The following CAMLG variants were observed in gnomAD, a reference collection of about 807,000 sequenced individuals.
CAMLG encodes the protein calcium modulating ligand.
In CAMLG, 23 loss-of-function variants were observed where a neutral mutation model predicts 28.9. The observed-to-expected ratio is 0.80, with a 90% CI of 0.57 to 1.13. CAMLG has a LOEUF of 1.13. CAMLG is among the 50% of genes most tolerant of loss of function. The pLI, the probability that CAMLG is intolerant of heterozygous loss-of-function variation, is 0.00. For synonymous variants in CAMLG, 141 were observed against 146.5 expected (o/e 0.96, Z 0.27); for missense variants, 367 against 371.9 (o/e 0.99, Z 0.11).
chr5:134,741,283 C>T lies in CAMLG; in HGVS notation c.393C>T (p.Leu131=), dbSNP rs775159638. 6.8e-6 allele frequency: 11 copies of T among 1,614,158 alleles called. No homozygotes were observed. Among genetic ancestry groups the T allele is most frequent in the Non-Finnish European group, 9.3e-6 (11 of 1,180,030 alleles). Residue 131 remains leucine, a synonymous_variant, in exon 2 of 4, where the codon CTC becomes CTT. Transcript: ENST00000297156. The stretch of plus-strand genomic sequence containing the variant: ...GCAGTAGTGATGTCAACCTTGAGCT[C>T]CGGCAGCGGAACAGAGGGGACCTGA... ...PECSSDVNLE[L]RQRNRGDLTA...
At chr5:134,745,336 T>C (rs1253223762) in intron 3 of CAMLG, among the ~76,000 whole-genome samples, 2 of 149,454 alleles carry the variant, frequency 1.3e-5, no homozygotes, top group African/African-American at 5.0e-5. Flanking sequence ...CTCGGGAGGC[T>C]GAGGCAGGAG....
intron 1 of CAMLG, among the ~76,000 whole-genome samples, chr5:134,740,212 A>T (rs775606802): frequency 5.3e-5 from 8 of 152,228 alleles, no homozygotes; most frequent in Non-Finnish European, 1.2e-4. Flanking sequence ...AAACAAAAAC[A>T]AAAACAAAAC....
intron 1 of CAMLG, 21 bp downstream of exon 1, chr5:134,738,813 T>G (rs752318472): frequency 6.2e-7 from 1 of 1,612,454 alleles, no homozygotes; most frequent in Non-Finnish European, 8.5e-7. Context: ...CGATTTCCCC[T>G]CAGTCTCCCG....
chr5:134,740,159 A>G (rs1047250380), intron 1 of CAMLG, among the ~76,000 whole-genome samples: 8 of 152,164 alleles, frequency 5.3e-5, no homozygotes, highest in African/African-American at 1.7e-4. Context: ...TGCTGGGCTT[A>G]CAGGATTACA....
chr5:134,749,403 C>T (rs1053932965), intron 3 of CAMLG, among the ~76,000 whole-genome samples: 6 of 151,900 alleles, frequency 3.9e-5, no homozygotes, highest in African/African-American at 9.7e-5. Context: ...TATTTTAAAC[C>T]GTATGATTGG....
At chr5:134,740,979 C>T (rs1273339207) in intron 1 of CAMLG, 84 bp from the exon 2 acceptor site, 1 of 872,442 alleles carries the variant, frequency 1.1e-6, no homozygotes, top group African/African-American at 1.7e-5. Flanking sequence ...GTTCTAGCTG[C>T]AACAGCATAT....
Position 134,741,539 on chromosome 5 carries a change from T to C in CAMLG, c.633+16T>C, listed in dbSNP as rs921071242. On this transcript the variant is annotated intron_variant, in intron 2 of 3. Transcript: ENST00000297156. ...CAAATACTTGGTAAGAAAAGATCTG[T>C]AAATTATTAACTAACTTAATGGAAA... 2.0e-6 allele frequency: 3 copies of C among 1,493,098 alleles called. No individual in the cohort carries two copies. Among genetic ancestry groups the C allele is most frequent in the Non-Finnish European group, 9.2e-7 (1 of 1,085,650 alleles). 92.5% of individuals were successfully genotyped at this position (1,493,098 alleles called of 1,614,324 possible). A position where few individuals can be genotyped will look rare whatever the true frequency, so the allele number is the denominator to read the frequency against.
Position 134,751,145 on chromosome 5 carries a change from T to C in CAMLG, c.*195T>C, listed in dbSNP as rs1044794. ...GGCTGAGTTTGTATTATTACTGATA[T>C]GAAGAATAGAGTACCAATGTCATTA... On this transcript the variant is annotated 3_prime_UTR_variant, in exon 4 of 4. Transcript: ENST00000297156. The C allele has an allele frequency of 5.6e-5, 28 of 500,562 alleles. No individual in the cohort carries two copies. Among genetic ancestry groups the C allele is most frequent in the East Asian group, 3.9e-4 (13 of 33,246 alleles). The allele number at this position is 500,562 out of a possible 1,614,324, so 31.0% of individuals were successfully genotyped here.
intron 2 of CAMLG, among the ~76,000 whole-genome samples, chr5:134,743,672 A>C (rs1168780138): frequency 3.3e-5 from 5 of 151,862 alleles, no homozygotes; most frequent in Non-Finnish European, 5.9e-5. Context: ...TCTAGACCAT[A>C]CTGGCCAACA....
In CAMLG at chr5:134,741,045, T is replaced by C; in HGVS notation, c.173-18T>C. On this transcript the variant is annotated intron_variant, in intron 1 of 3. Coordinates refer to ENST00000297156, the MANE Select transcript of CAMLG (RefSeq NM_001745.4). The stretch of plus-strand genomic sequence containing the variant: ...AGTATGGAATAAATACATAAGGCTT[T>C]TACATTTCTTTTCTCAGAAGAAGAA... 6.4e-7 allele frequency: 1 copy of C among 1,569,484 alleles called. No homozygotes were observed. The highest frequency in any genetic ancestry group is 1.7e-5 in the Admixed American group (1 of 59,648).
At chr5:134,741,017 G>T in intron 1 of CAMLG, 46 bp from the exon 2 acceptor site, 3 of 1,303,730 alleles carry the variant, frequency 2.3e-6, no homozygotes, top group Non-Finnish European at 3.3e-6. Context: ...TAAGGTGTTT[G>T]CCAGTATGGA....
In CAMLG at chr5:134,740,045, T is replaced by A. The variant is rs535129052; in HGVS notation, c.173-1018T>A. ...TGTACACCACCATGCCTGGCTAATT[T>A]AAAAAAAAATTGTGTGTGTGGAGAT... On this transcript the variant is annotated intron_variant, in intron 1 of 3. Coordinates refer to ENST00000297156, the MANE Select transcript of CAMLG (RefSeq NM_001745.4). 4.6e-5 allele frequency among the ~76,000 whole-genome samples: 7 copies of A among 151,468 alleles called. No individual in the cohort carries two copies. The East Asian group carries it at 7.7e-4, about 17-fold the overall frequency.
chr5:134,740,850 C>T (rs1752973547), intron 1 of CAMLG, among the ~76,000 whole-genome samples: 2 of 152,246 alleles, frequency 1.3e-5, no homozygotes, highest in Non-Finnish European at 1.5e-5. Flanking sequence ...CCTCATGATC[C>T]GCCCGCCTCA....
intron 3 of CAMLG, among the ~76,000 whole-genome samples, chr5:134,745,781 C>G (rs1753040396): frequency 6.7e-6 from 1 of 149,536 alleles, no homozygotes; most frequent in African/African-American, 2.5e-5. Flanking sequence ...ACCTTTGAAA[C>G]ATTGATTGTA....
chr5:134,738,860 T>G (rs1752951171), intron 1 of CAMLG, 68 bp downstream of exon 1: 1 of 1,473,162 alleles, frequency 6.8e-7, no homozygotes, highest in East Asian at 2.3e-5. Context: ...TTCTTCCCTC[T>G]CCCACCTCCA....
intron 2 of CAMLG, among the ~76,000 whole-genome samples, chr5:134,742,859 C>T (rs182153059): frequency 2.2e-4 from 34 of 152,240 alleles, no homozygotes; most frequent in Non-Finnish European, 4.0e-4. Context: ...CTGCCTTAGC[C>T]TCCCGAGTAG....
Position 134,741,161 on chromosome 5 carries a change from G to T in CAMLG, c.271G>T (p.Val91Phe), listed in dbSNP as rs201890510. ...AAAGCGAGTAGTGCTGGGTGATTCA[G>T]TCAGTACAGGAACAACTGACCAGCA... ...VSKRVVLGDS[V>F]STGTTDQQGG... is the part of the protein sequence containing the mutation. The change falls in exon 2 of 4, where the codon GTC becomes TTC. Residue 91 changes from valine to phenylalanine, a missense_variant. Physicochemically the swap from Val to Phe is conservative, Grantham distance 50. Coordinates refer to ENST00000297156, the MANE Select transcript of CAMLG (RefSeq NM_001745.4). The T allele has an allele frequency of 5.6e-6, 9 of 1,614,144 alleles. No individual in the cohort carries two copies. The Middle Eastern group carries it at 4.9e-4, about 89-fold the overall frequency.
At chr5:134,743,417 TC>T (rs1429190694) in intron 2 of CAMLG, among the ~76,000 whole-genome samples, 2 of 152,114 alleles carry the variant, frequency 1.3e-5, no homozygotes, top group Non-Finnish European at 2.9e-5. Context: ...TCTTCACCCT[TC>T]TGCAGAAAAA....
At chr5:134,744,122 C>G (rs1753017496) in intron 3 of CAMLG, 70 bp downstream of exon 3, 1 of 738,052 alleles carries the variant, frequency 1.4e-6, no homozygotes. Flanking sequence ...ATTGAAGGAA[C>G]TTAAAAATGT....
Sources: gnomAD v4.1 joint callset for allele counts (sites outside exome capture counted in the v4.1 genomes callset) on GRCh38, gnomAD v4.1.1 for gene constraint, MANE v1.5 for transcripts, NCBI Gene and HGNC (gene_info 2026-07-23, HGNC 2026-07-21) for gene names.